Variants in SLC2A6 observed in about 807,000 individuals in gnomAD.
SLC2A6 encodes the protein solute carrier family 2 member 6.
A neutral mutation model predicts 47.8 loss-of-function variants in SLC2A6; 39 were observed. The ratio of observed to expected loss-of-function variants is 0.82; its 90% CI spans 0.63 to 1.07. The LOEUF is 1.07. Ranked by LOEUF, SLC2A6 falls within the 50% of genes least tolerant of loss-of-function variation. The pLI, the probability that SLC2A6 is intolerant of heterozygous loss-of-function variation, is 0.00. For missense variants in SLC2A6, 650 were observed against 707.6 expected (o/e 0.92, Z 0.92); for synonymous variants, 346 against 324.1 (o/e 1.07, Z -0.73).
In SLC2A6 at chr9:133,476,294, G is replaced by A. The variant is rs1000758339; in HGVS notation, c.505C>T (p.Leu169=). 6.2e-7 allele frequency: 1 copy of A among 1,612,908 alleles called. No homozygotes were observed. Among genetic ancestry groups the A allele is most frequent in the African/African-American group, 1.3e-5 (1 of 74,928 alleles). The part of the protein sequence containing the change: ...EIAPPGVRGA[L]GATPQLMAVF... ...GCCATGAGCTGGGGTGTGGCCCCCAGAGCCCCACGAACGCCTGGGGGAGCA... is the reference window on the plus strand; with the variant it reads ...GCCATGAGCTGGGGTGTGGCCCCCAAAGCCCCACGAACGCCTGGGGGAGCA... Residue 169 remains leucine, a synonymous_variant, in exon 4 of 10, where the codon CTG becomes TTG. Transcript: ENST00000371899.
chr9:133,472,213 G>A (rs1554801814), intron 9 of SLC2A6, 37 bp from the exon 10 acceptor site: 1 of 1,606,820 alleles, frequency 6.2e-7, no homozygotes, highest in Non-Finnish European at 8.5e-7. Flanking sequence ...ACAGGGAGAA[G>A]CTCCAGGGTC....
At chr9:133,473,715 T>A in intron 7 of SLC2A6, 115 bp from the exon 8 acceptor site, 1 of 1,109,968 alleles carries the variant, frequency 9.0e-7, no homozygotes, top group Non-Finnish European at 1.3e-6. Context: ...TGTCTGGGAC[T>A]AGAGACCCCC....
intron 6 of SLC2A6, 75 bp downstream of exon 6, chr9:133,474,886 C>T (rs1222540014): frequency 1.4e-6 from 2 of 1,395,306 alleles, no homozygotes; most frequent in African/African-American, 2.9e-5. Context: ...AGTGCAGGAG[C>T]AGGCCCTGCC....
chr9:133,476,712 C>T (rs191050072), intron 3 of SLC2A6, among the ~76,000 whole-genome samples: 8 of 152,280 alleles, frequency 5.3e-5, no homozygotes, highest in East Asian at 3.9e-4. Flanking sequence ...AAGAAGGTCC[C>T]GGGGAGGGTG....
chr9:133,478,501 C>T (rs1047006639), intron 1 of SLC2A6, 85 bp from the exon 2 acceptor site: 13 of 1,515,230 alleles, frequency 8.6e-6, no homozygotes, highest in South Asian at 1.2e-5. Context: ...AGTGGCTGCC[C>T]GGCTCAGCGG....
chr9:133,478,583 T>G (rs1844050520), intron 1 of SLC2A6, 167 bp from the exon 2 acceptor site: 2 of 706,370 alleles, frequency 2.8e-6, no homozygotes, highest in East Asian at 2.8e-5. Flanking sequence ...CCCTGGGAAA[T>G]TCCCAGGCCA....
rs1288441208 is a variant in SLC2A6, at chr9:133,475,006, G to A, written c.882C>T (p.Ile294=). Residue 294 remains isoleucine (I), a synonymous_variant, in exon 6 of 10, where the codon ATC becomes ATT. Coordinates refer to ENST00000371899, the MANE Select transcript of SLC2A6 (RefSeq NM_017585.4). ...CGAAGATGGACTGCAGGTAGACCAG[G>A]ATGGGCGTGATGCCCGTCAGCTGCT... The part of the protein sequence containing the change: ...LLQQLTGITP[I]LVYLQSIFDS... 3 of 1,594,454 alleles carry A rather than the reference G, an allele frequency of 1.9e-6. No individual in the cohort carries two copies. Among genetic ancestry groups the A allele is most frequent in the African/African-American group, 1.3e-5 (1 of 74,592 alleles).
chr9:133,471,557 G>A lies in SLC2A6; in HGVS notation c.*464C>T. 6.4e-6 allele frequency: 1 copy of A among 155,178 alleles called. No homozygotes were observed. The highest frequency in any genetic ancestry group is 6.4e-5 in the Admixed American group (1 of 15,610). The allele number at this position is 155,178 out of a possible 1,614,324, so 9.6% of individuals were successfully genotyped here. ...TTTTTAAGTCCAGGATGTTCCCTGTGGTGCCCATAAGACTTGTGAGGGCAA... is the reference window on the plus strand; with the variant it reads ...TTTTTAAGTCCAGGATGTTCCCTGTAGTGCCCATAAGACTTGTGAGGGCAA... On this transcript the variant is annotated 3_prime_UTR_variant, in exon 10 of 10. Coordinates refer to ENST00000371899, the MANE Select transcript of SLC2A6 (RefSeq NM_017585.4).
intron 5 of SLC2A6, 50 bp downstream of exon 5, chr9:133,475,350 T>C: frequency 2.6e-6 from 4 of 1,523,004 alleles, no homozygotes; most frequent in Non-Finnish European, 3.5e-6. Flanking sequence ...CACACACAGC[T>C]GAAGTGCTGG....
At position 133,473,088 on chromosome 9, in the gene SLC2A6, T is replaced by C; in HGVS notation, c.1368+17A>G. The C allele has an allele frequency of 6.3e-7, 1 of 1,597,296 alleles. No individual in the cohort carries two copies. Among genetic ancestry groups the C allele is most frequent in the Non-Finnish European group, 8.5e-7 (1 of 1,174,182 alleles). ...AGAGAGGGCCTAGGGGCCTGGGGCC[T>C]GGGGCTGAACACTCACCACCACTGG... On this transcript the variant is annotated intron_variant, in intron 9 of 9. Coordinates refer to ENST00000371899, the MANE Select transcript of SLC2A6 (RefSeq NM_017585.4).
At position 133,472,317 on chromosome 9, in the gene SLC2A6, C is replaced by G. The variant is rs587688180; in HGVS notation, c.1369-141G>C. 25 of 919,838 alleles carry G rather than the reference C, an allele frequency of 2.7e-5. No individual in the cohort carries two copies. In the African/African-American group the frequency reaches 3.0e-4, roughly 11 times the overall value. 57.0% of individuals were successfully genotyped at this position (919,838 alleles called of 1,614,324 possible). Reference sequence around the variant, plus strand: ...TTCCTGTGTTCAGAGACCGCCCCCCCACACCAGGGCTCCCCCACTGTCCCC... The same window carrying G: ...TTCCTGTGTTCAGAGACCGCCCCCCGACACCAGGGCTCCCCCACTGTCCCC... On this transcript the variant is annotated intron_variant, in intron 9 of 9. Coordinates refer to ENST00000371899, the MANE Select transcript of SLC2A6 (RefSeq NM_017585.4).
Position 133,471,858 on chromosome 9 carries a change from C to T in SLC2A6, c.*163G>A, listed in dbSNP as rs587648889. On this transcript the variant is annotated 3_prime_UTR_variant, in exon 10 of 10. Coordinates refer to ENST00000371899, the MANE Select transcript of SLC2A6 (RefSeq NM_017585.4). ...GGCTGGACAGCAGTGCTACCTGTCC[C>T]GAGCCAGGGGCACCCGCTGCTGAGG... is the stretch of plus-strand genomic sequence containing the variant. 46 of 796,868 alleles carry T rather than the reference C, an allele frequency of 5.8e-5. No individual in the cohort carries two copies. Among genetic ancestry groups the T allele is most frequent in the Admixed American group, 4.0e-4 (14 of 34,940 alleles). 49.4% of individuals were successfully genotyped at this position (796,868 alleles called of 1,614,324 possible). A position where few individuals can be genotyped will look rare whatever the true frequency, so the allele number is the denominator to read the frequency against.
At chr9:133,472,857 C>T (rs1308350205) in intron 9 of SLC2A6, among the ~76,000 whole-genome samples, 1 of 152,126 alleles carries the variant, frequency 6.6e-6, no homozygotes, top group Non-Finnish European at 1.5e-5. Flanking sequence ...CTGCCCTGGC[C>T]CAGGAGGTAA....
In SLC2A6 at chr9:133,471,971, C is replaced by A; in HGVS notation, c.*50G>T. On this transcript the variant is annotated 3_prime_UTR_variant, in exon 10 of 10. Transcript: ENST00000371899. Reference sequence around the variant, plus strand: ...CCAGGGTGCAGGTTTGTAGCCAACACAGAGGCCCAGCCACTGGGGGTTTGG... The same window carrying A: ...CCAGGGTGCAGGTTTGTAGCCAACAAAGAGGCCCAGCCACTGGGGGTTTGG... 1.9e-6 allele frequency: 3 copies of A among 1,587,368 alleles called. No individual in the cohort carries two copies. Among genetic ancestry groups the A allele is most frequent in the Non-Finnish European group, 2.6e-6 (3 of 1,163,702 alleles).
chr9:133,473,977 TACCTGAGACGAAGAGCAGC>T lies in SLC2A6; in HGVS notation c.1020_1036+2del. 6.2e-7 allele frequency: 1 copy of T among 1,602,612 alleles called. No homozygotes were observed. Among genetic ancestry groups the T allele is most frequent in the Non-Finnish European group, 8.5e-7 (1 of 1,173,656 alleles). ...GCAGGAGGGCTGCCTGCAGGGTGCT[TACCTGAGACGAAGAGCAGC>T]ACCTTGCGGCCTGCGAGGTCCATGG... is the stretch of plus-strand genomic sequence containing the variant. On this transcript the variant is annotated splice_donor_variant and coding_sequence_variant, in exon 7 of 10. Transcript: ENST00000371899. LOFTEE classifies it high-confidence loss of function.
intron 4 of SLC2A6, 176 bp downstream of exon 4, chr9:133,476,061 G>A (rs782789650): frequency 8.7e-6 from 5 of 574,522 alleles, no homozygotes; most frequent in African/African-American, 1.9e-5. Flanking sequence ...AGAGGGGCAG[G>A]CCCTGCCTGG....
intron 1 of SLC2A6, 169 bp downstream of exon 1, chr9:133,478,799 G>C (rs1218726306): frequency 4.8e-6 from 3 of 624,316 alleles, no homozygotes; most frequent in Non-Finnish European, 8.2e-6. Flanking sequence ...TTCCCTTAGG[G>C]GGACCAGTTC....
rs1554803556 is a variant in SLC2A6 at position 133,477,074 on chromosome 9, C to T, written c.423G>A (p.Leu141=). 7.8e-6 allele frequency: 12 copies of T among 1,545,956 alleles called. No individual in the cohort carries two copies. Among genetic ancestry groups the T allele is most frequent in the African/African-American group, 1.4e-5 (1 of 72,898 alleles). The part of the protein sequence containing the change: ...GLWMLLLGRT[L]TGFAGGLTAA... ...CTGTGAGCCCCCCGGCGAAGCCCGT[C>T]AGCGTCCTTCCGAGCAGCAGCATCC... Residue 141 remains leucine, a synonymous_variant, in exon 3 of 10, where the codon CTG becomes CTA. Transcript: ENST00000371899.
At chr9:133,478,586 C>T in intron 1 of SLC2A6, 170 bp from the exon 2 acceptor site, 4 of 705,834 alleles carry the variant, frequency 5.7e-6, no homozygotes, top group Non-Finnish European at 9.4e-6. Flanking sequence ...TGGGAAATTC[C>T]CAGGCCATTG....
Sources: gnomAD v4.1 joint callset for allele counts (sites outside exome capture counted in the v4.1 genomes callset) on GRCh38, gnomAD v4.1.1 for gene constraint, MANE v1.5 for transcripts, NCBI Gene and HGNC (gene_info 2026-07-23, HGNC 2026-07-21) for gene names.